CACNA1C: variants seen among roughly 807,000 people sequenced by gnomAD.
CACNA1C encodes calcium voltage-gated channel subunit alpha1 C, also known as voltage-dependent L-type calcium channel subunit alpha-1C.
A neutral mutation model predicts 229.0 loss-of-function variants in CACNA1C; 30 were observed. The observed-to-expected ratio is 0.13, with a 90% CI of 0.10 to 0.18. The LOEUF is 0.18. Ranked by LOEUF, CACNA1C falls within the 10% of genes least tolerant of loss-of-function variation. The pLI is 1.00. For synonymous variants in CACNA1C, 1,114 were observed against 1,132.5 expected (o/e 0.98, Z 0.33); for missense variants, 1,658 against 2,845.0 (o/e 0.58, Z 9.49).
intron 29 of CACNA1C, among the ~76,000 whole-genome samples, chr12:2,634,017 C>T (rs1226222415): frequency 6.6e-6 from 1 of 152,182 alleles, no homozygotes; most frequent in African/African-American, 2.4e-5. Flanking sequence ...CCGGGGCGGC[C>T]ACAGCCCCAC....
chr12:2,377,692 G>A (rs1280138951), intron 3 of CACNA1C, among the ~76,000 whole-genome samples: 1 of 152,126 alleles, frequency 6.6e-6, no homozygotes, highest in Admixed American at 6.5e-5. Context: ...AAAAGGTGGG[G>A]CGTATTATCC....
At chr12:2,643,115 C>T (rs1489111275) in intron 30 of CACNA1C, among the ~76,000 whole-genome samples, 1 of 152,208 alleles carries the variant, frequency 6.6e-6, no homozygotes, top group East Asian at 1.9e-4. Flanking sequence ...GGGCCAAAGA[C>T]CCCTCGAGGG....
In CACNA1C at chr12:2,348,311, C is replaced by A. The variant is rs937957513; in HGVS notation, c.478-100665C>A. Among the ~76,000 whole-genome samples, 1 of 152,250 alleles carries A rather than the reference C, an allele frequency of 6.6e-6. No individual in the cohort carries two copies. Among genetic ancestry groups the A allele is most frequent in the African/African-American group, 2.4e-5 (1 of 41,472 alleles). On this transcript the variant is annotated intron_variant, in intron 3 of 46. Coordinates refer to ENST00000399655, the MANE Select transcript of CACNA1C (RefSeq NM_000719.7). This position sits in a 1 kb window ranked among gnomAD's most constrained non-coding sequence, Gnocchi z 4.7. ...CAGGACAGGCCGTCCTGAGTGCTGG[C>A]CCTGAGGATCTAGACCCTTTGGATC... is the stretch of plus-strand genomic sequence containing the variant.
In CACNA1C at chr12:2,659,281, C is replaced by A. The variant is rs2095584666; in HGVS notation, c.4232+4043C>A. 2.0e-5 allele frequency among the ~76,000 whole-genome samples: 3 copies of A among 152,166 alleles called. No individual in the cohort carries two copies. The South Asian group carries it at 6.2e-4, about 31-fold the overall frequency. On this transcript the variant is annotated intron_variant, in intron 34 of 46. Coordinates refer to ENST00000399655, the MANE Select transcript of CACNA1C (RefSeq NM_000719.7). ...TTTTACTGTTCCTATTTTTACTGTT[C>A]CTTTTCAGTGTTTAGATATGTTTAG...
intron 3 of CACNA1C, among the ~76,000 whole-genome samples, chr12:2,207,457 C>T (rs2097784314): frequency 6.6e-6 from 1 of 152,140 alleles, no homozygotes; most frequent in African/African-American, 2.4e-5. Context: ...GTTTTGGTTA[C>T]ATTTTAGGAA....
intron 29 of CACNA1C, among the ~76,000 whole-genome samples, chr12:2,626,637 C>T (rs950500796): frequency 6.6e-6 from 1 of 152,146 alleles, no homozygotes; most frequent in Admixed American, 6.5e-5. Context: ...CCTGGAGGCA[C>T]CTTTGCAGAA....
intron 13 of CACNA1C, among the ~76,000 whole-genome samples, chr12:2,579,851 C>T (rs551112508): frequency 1.2e-4 from 18 of 152,302 alleles, no homozygotes; most frequent in Non-Finnish European, 2.4e-4. Flanking sequence ...AGTGACAATC[C>T]TCCCAAAGGG....
At chr12:2,323,280 A>AT (rs2096111429) in intron 3 of CACNA1C, among the ~76,000 whole-genome samples, 1 of 152,120 alleles carries the variant, frequency 6.6e-6, no homozygotes, top group Admixed American at 6.6e-5. Context: ...GAAAATAATA[A>AT]TTTTTTAAAA....
chr12:2,521,709 G>A (rs890891676), intron 9 of CACNA1C, among the ~76,000 whole-genome samples: 6 of 152,226 alleles, frequency 3.9e-5, no homozygotes, highest in East Asian at 1.9e-4. Flanking sequence ...TGTCCTCTTC[G>A]CTTCTTCGCT....
At chr12:2,147,660 A>G (rs2094845423) in intron 3 of CACNA1C, among the ~76,000 whole-genome samples, 2 of 151,322 alleles carry the variant, frequency 1.3e-5, no homozygotes, top group Middle Eastern at 6.8e-3. Context: ...GTGAAGAAGT[A>G]TATATCTGAG....
rs769057912 is a variant in CACNA1C, at chr12:2,504,584, A to G, written c.1114-258A>G. ...GTCCTCTCCACAACGCAGCCGAGCA[A>G]GGTCTCAGGTTCCACTCCGTACATG... On this transcript the variant is annotated intron_variant, in intron 7 of 46. Coordinates refer to ENST00000399655, the MANE Select transcript of CACNA1C (RefSeq NM_000719.7). The surrounding 1 kb of genome is among the most constrained non-coding windows in gnomAD (Gnocchi z 6.8). The G allele has an allele frequency of 2.5e-6, 3 of 1,181,816 alleles. No individual in the cohort carries two copies. The South Asian group carries it at 3.6e-5, about 14-fold the overall frequency. The allele number at this position is 1,181,816 out of a possible 1,614,324, so 73.2% of individuals were successfully genotyped here. A position where few individuals can be genotyped will look rare whatever the true frequency, so the allele number is the denominator to read the frequency against.
At chr12:2,505,882 G>A (rs1435913279) in intron 8 of CACNA1C, among the ~76,000 whole-genome samples, 1 of 152,160 alleles carries the variant, frequency 6.6e-6, no homozygotes, top group Non-Finnish European at 1.5e-5. Flanking sequence ...TACTCTGCTT[G>A]AGACTGGTCA....
intron 1 of CACNA1C, among the ~76,000 whole-genome samples, chr12:2,027,973 G>C (rs1041796367): frequency 3.2e-4 from 48 of 152,302 alleles, no homozygotes; most frequent in African/African-American, 1.0e-3. Flanking sequence ...TTTAGGTTTT[G>C]GACATCCTTA....
intron 1 of CACNA1C, among the ~76,000 whole-genome samples, chr12:1,977,878 ACAAT>A (rs1373237285): frequency 6.6e-6 from 1 of 152,212 alleles, no homozygotes; most frequent in Non-Finnish European, 1.5e-5. Context: ...GCTTTGGAAG[ACAAT>A]CAAGTTTATA....
chr12:1,977,791 C>T (rs1327780641), intron 1 of CACNA1C, among the ~76,000 whole-genome samples: 1 of 152,130 alleles, frequency 6.6e-6, no homozygotes, highest in Non-Finnish European at 1.5e-5. Context: ...AATTATGACT[C>T]ATCATTGTTC....
chr12:1,996,458 C>T (rs2040811593), intron 1 of CACNA1C, among the ~76,000 whole-genome samples: 1 of 151,830 alleles, frequency 6.6e-6, no homozygotes, highest in Non-Finnish European at 1.5e-5. Flanking sequence ...TCCCTCTCCT[C>T]TATGCAAGCT....
At chr12:2,558,433 T>C (rs1032815617) in intron 11 of CACNA1C, among the ~76,000 whole-genome samples, 1 of 152,224 alleles carries the variant, frequency 6.6e-6, no homozygotes, top group Non-Finnish European at 1.5e-5. Flanking sequence ...TCTCTGACCC[T>C]TGAGTTCTGT....
intron 1 of CACNA1C, among the ~76,000 whole-genome samples, chr12:2,036,920 C>G (rs754603840): frequency 2.6e-5 from 4 of 152,164 alleles, no homozygotes; most frequent in Admixed American, 6.5e-5. Flanking sequence ...TCGGGGTACC[C>G]TGGGAGGAAG....
chr12:2,277,761 C>G (rs1385859383), intron 3 of CACNA1C, among the ~76,000 whole-genome samples: 2 of 152,230 alleles, frequency 1.3e-5, no homozygotes, highest in African/African-American at 4.8e-5. Flanking sequence ...CCTGTCCTCC[C>G]CATCTCCCTC....
Sources: gnomAD v4.1 joint callset for allele counts (sites outside exome capture counted in the v4.1 genomes callset) on GRCh38, gnomAD v4.1.1 for gene constraint, Gnocchi (gnomAD v3.1) non-coding constraint, MANE v1.5 for transcripts, NCBI Gene and HGNC (gene_info 2026-07-23, HGNC 2026-07-21) for gene names.